The following HSPG2 variants were observed in gnomAD, a reference collection of about 807,000 sequenced individuals.
The protein encoded by HSPG2 is heparan sulfate proteoglycan 2, also known as basement membrane-specific heparan sulfate proteoglycan core protein.
A neutral mutation model predicts 526.6 loss-of-function variants in HSPG2; 278 were observed. The ratio of observed to expected loss-of-function variants is 0.53; its 90% confidence interval spans 0.48 to 0.58. HSPG2 has a LOEUF of 0.58. Ranked by LOEUF, HSPG2 falls within the 20% of genes least tolerant of loss-of-function variation. The pLI is 0.00. For missense variants in HSPG2, 5,354 were observed against 6,099.5 expected, an observed-to-expected ratio of 0.88 and a Z score of 4.07; for synonymous variants, 2,465 against 2,555.4, an observed-to-expected ratio of 0.96 and a Z score of 1.07.
At chr1:21,921,837 C>T (rs1644046850) in intron 1 of HSPG2, among the ~76,000 whole-genome samples, 1 of 152,206 alleles carries the variant, frequency 6.6e-6, no homozygotes, top group Non-Finnish European at 1.5e-5. Context: ...CCTGCTATCC[C>T]TAGGGAAGGT....
intron 1 of HSPG2, among the ~76,000 whole-genome samples, chr1:21,912,823 T>C (rs1310513147): frequency 6.6e-6 from 1 of 151,906 alleles, no homozygotes; most frequent in African/African-American, 2.4e-5. Flanking sequence ...CCACTAAAAA[T>C]ATAAAAATTA....
intron 64 of HSPG2, among the ~76,000 whole-genome samples, chr1:21,845,250 C>T (rs1190214539): frequency 6.6e-6 from 1 of 151,914 alleles, no homozygotes; most frequent in Non-Finnish European, 1.5e-5. Context: ...CGTCTCAAAA[C>T]AAAACAAAAC....
intron 1 of HSPG2, among the ~76,000 whole-genome samples, chr1:21,913,888 C>T (rs532595154): frequency 1.5e-4 from 23 of 152,328 alleles, no homozygotes; most frequent in East Asian, 9.7e-4. Flanking sequence ...ATGGCTCTGC[C>T]GCTTGCCAGC....
Position 21,887,559 on chromosome 1 carries a change from C to T in HSPG2, c.819G>A (p.Gln273=). ...MRQPPVTHAP[Q]PLLPGSVRPL... is the part of the protein sequence containing the mutation. The stretch of plus-strand genomic sequence containing the variant: ...GCCTGACGGAACCGGGAAGCAGGGG[C>T]TGAGGAGCGTGGGTGACTGGTGGCT... The change falls in exon 8 of 97, where the codon CAG becomes CAA. Residue 273 remains glutamine, a synonymous_variant. Coordinates refer to ENST00000374695, the MANE Select transcript of HSPG2 (RefSeq NM_005529.7). The surrounding 1 kb of genome is among the most constrained non-coding windows in gnomAD (Gnocchi z 5.0). 6.2e-7 allele frequency: 1 copy of T among 1,614,114 alleles called. No individual in the cohort carries two copies. Among genetic ancestry groups the T allele is most frequent in the Non-Finnish European group, 8.5e-7 (1 of 1,180,012 alleles).
Position 21,854,611 on chromosome 1 carries a change from C to G in HSPG2, c.6288G>C (p.Gln2096His), listed in dbSNP as rs1251485901. 6.4e-7 allele frequency: 1 copy of G among 1,560,872 alleles called. No homozygotes were observed. The highest frequency in any genetic ancestry group is 8.7e-7 in the Non-Finnish European group (1 of 1,150,568). ...RRGGSLPPHTQVHGSRLRLPQ... is the reference protein window; with the variant it reads ...RRGGSLPPHTHVHGSRLRLPQ... The stretch of plus-strand genomic sequence containing the variant: ...TGCCATAGGCTCAGGGCCCACATAC[C>G]TGGGTGTGGGGAGGCAGGCTACCCC... The change falls in exon 49 of 97, where the codon CAG becomes CAC. Residue 2096 changes from glutamine to histidine, a missense_variant and splice_region_variant. By Grantham distance (24) the Gln-to-His change is conservative. Transcript: ENST00000374695.
intron 1 of HSPG2, among the ~76,000 whole-genome samples, chr1:21,915,999 C>T (rs1414143760): frequency 2.0e-5 from 3 of 147,702 alleles, no homozygotes; most frequent in Non-Finnish European, 4.5e-5. Context: ...TGCAGTAAGC[C>T]GAGATCACAC....
At chr1:21,850,302 G>C (rs1450148044) in intron 56 of HSPG2, 61 bp downstream of exon 56, 22 of 1,606,558 alleles carry the variant, frequency 1.4e-5, no homozygotes, top group Middle Eastern at 3.3e-4. Flanking sequence ...TCCTGCCGTT[G>C]CAAGAGTGGG....
chr1:21,863,066 A>C (rs5016013), intron 37 of HSPG2, among the ~76,000 whole-genome samples: 1,029 of 47,842 alleles, frequency 0.022, 8 homozygotes, highest in South Asian at 0.028. Flanking sequence ...ATCTCAAAAA[A>C]AAAAAAAAAA....
chr1:21,834,912 G>A lies in HSPG2; in HGVS notation c.10487C>T (p.Ser3496Phe). ...GTGGCCAACCACCACGGTCTGCACA[G>A]AGGTCCGGATGTTGATGAGCACCGA... ...LPSVLINIRT[S>F]VQTVVVGHAV... The change falls in exon 77 of 97, where the codon TCT (serine) becomes TTT (phenylalanine). Residue 3496 changes from serine (S) to phenylalanine (F), a missense_variant. Coordinates refer to ENST00000374695, the MANE Select transcript of HSPG2 (RefSeq NM_005529.7). 1 of 1,613,620 alleles carries A rather than the reference G, an allele frequency of 6.2e-7. No individual in the cohort carries two copies.
chr1:21,874,874 TG>T lies in HSPG2; in HGVS notation c.3414+16del. The T allele has an allele frequency of 6.3e-7, 1 of 1,597,084 alleles. No homozygotes were observed. The highest frequency in any genetic ancestry group is 8.6e-7 in the Non-Finnish European group (1 of 1,167,896). ...ATGGAGGGGGCTGGCTGGGCTGGCG[TG>T]GGGCCCAGGACTCACCTGGCAGGAC... On this transcript the variant is annotated intron_variant, in intron 26 of 96. Transcript: ENST00000374695.
Position 21,841,524 on chromosome 1 carries a change from T to A in HSPG2, c.9328+15A>T. 10 of 1,614,130 alleles carry A rather than the reference T, an allele frequency of 6.2e-6. No homozygotes were observed. The highest frequency in any genetic ancestry group is 8.5e-6 in the Non-Finnish European group (10 of 1,179,990). On this transcript the variant is annotated intron_variant, in intron 70 of 96. Coordinates refer to ENST00000374695, the MANE Select transcript of HSPG2 (RefSeq NM_005529.7). ...GGAAACAGGGCAGAGCCCCACAGGGTCAACGTCCCCTCACCGTGCACACTG... is the reference window on the plus strand; with the variant it reads ...GGAAACAGGGCAGAGCCCCACAGGGACAACGTCCCCTCACCGTGCACACTG...
intron 1 of HSPG2, among the ~76,000 whole-genome samples, chr1:21,920,597 G>A (rs12759561): frequency 0.011 from 1,721 of 152,312 alleles, 20 homozygotes; most frequent in South Asian, 0.026. Flanking sequence ...GTTATATGGA[G>A]TGAACTGACC....
chr1:21,888,022 G>A lies in HSPG2; in HGVS notation c.619C>T (p.His207Tyr). ...RACTEAEFAC[H>Y]SYNECVALEY... is the part of the protein sequence containing the mutation. ...AGGGCCACACACTCATTGTAGCTGT[G>A]GCAGGCAAACTCGGCCTCCGTGCAG... The change falls in exon 7 of 97, where the codon CAC becomes TAC. Residue 207 changes from histidine to tyrosine, a missense_variant. Physicochemically the swap from His to Tyr is moderately conservative, Grantham distance 83 (BLOSUM62 2). Coordinates refer to ENST00000374695, the MANE Select transcript of HSPG2 (RefSeq NM_005529.7). 6.2e-7 allele frequency: 1 copy of A among 1,614,180 alleles called. No homozygotes were observed. Among genetic ancestry groups the A allele is most frequent in the Non-Finnish European group, 8.5e-7 (1 of 1,180,050 alleles).
intron 6 of HSPG2, chr1:21,889,688 A>C: frequency 2.3e-6 from 1 of 435,960 alleles, no homozygotes; most frequent in South Asian, 2.9e-5. Context: ...ATTAAGTACT[A>C]ATGTGTTTTG....
Position 21,890,662 on chromosome 1 carries a change from A to T in HSPG2, c.277T>A (p.Ser93Thr). ...TCCAGCTGAGGGCTGTACTCGATGG[A>T]GCGAGTGAAATTCACCAGGGCTCGG... Reference protein sequence around the residue: ...YFRALVNFTRSIEYSPQLEDA... With the variant: ...YFRALVNFTRTIEYSPQLEDA... The change falls in exon 4 of 97, where the codon TCC becomes ACC. Residue 93 changes from serine (S) to threonine (T), a missense_variant. By Grantham distance (58) the Ser-to-Thr change is moderately conservative. Transcript: ENST00000374695. This position sits in a 1 kb window ranked among gnomAD's most constrained non-coding sequence, Gnocchi z 4.1. 2 of 1,614,044 alleles carry T rather than the reference A, an allele frequency of 1.2e-6. No individual in the cohort carries two copies.
Position 21,873,961 on chromosome 1 carries a change from GCAT to G in HSPG2, c.3704_3706del (p.Asp1235del). ...ACGCCCACTGTGGCCTGGGGAGCAC[GCAT>G]CACAGGTGGGGTGGCCGTCTGTGTC... On this transcript the variant is annotated inframe_deletion, in exon 29 of 97. Transcript: ENST00000374695. The G allele has an allele frequency of 6.2e-7, 1 of 1,605,562 alleles. No homozygotes were observed.
intron 33 of HSPG2, among the ~76,000 whole-genome samples, chr1:21,867,072 A>AC (rs1553166931): frequency 0.032 from 975 of 30,058 alleles, 5 homozygotes; most frequent in Admixed American, 0.05. Flanking sequence ...TTTTTTTTTC[A>AC]CCTTTTTTTT....
chr1:21,890,013 G>T lies in HSPG2; in HGVS notation c.542C>A (p.Pro181His). Residue 181 changes from proline to histidine, a missense_variant, in exon 6 of 97, where the codon CCC becomes CAC. By Grantham distance (77) the Pro-to-His change is moderately conservative (BLOSUM62 -2). Coordinates refer to ENST00000374695, the MANE Select transcript of HSPG2 (RefSeq NM_005529.7). The surrounding 1 kb of genome is among the most constrained non-coding windows in gnomAD (Gnocchi z 4.1). ...CAGGCGTCGGAACTGGAATCCCTGG[G>T]GAGAGGTGACGTAGGAGGCCACAGA... ...SGSVASYVTS[P>H]QGFQFRRLGT... The T allele has an allele frequency of 6.2e-7, 1 of 1,614,056 alleles. No individual in the cohort carries two copies. Among genetic ancestry groups the T allele is most frequent in the South Asian group, 1.1e-5 (1 of 91,084 alleles).
In HSPG2 at chr1:21,842,907, G is replaced by A; in HGVS notation, c.8773C>T (p.Gln2925Ter). 6.2e-7 allele frequency: 1 copy of A among 1,614,132 alleles called. No homozygotes were observed. Among genetic ancestry groups the A allele is most frequent in the Non-Finnish European group, 8.5e-7 (1 of 1,180,022 alleles). Residue 2925 changes from glutamine to a stop codon, truncating the protein, a stop_gained, in exon 67 of 97, where the codon CAG becomes TAG. Coordinates refer to ENST00000374695, the MANE Select transcript of HSPG2 (RefSeq NM_005529.7). LOFTEE classifies it high-confidence loss of function. Reference protein sequence around the residue: ...PGPIPAPGLAQPIYIEASSSH... With the variant: ...PGPIPAPGLA ...GAGGAGGCCTCGATGTAGATGGGCT[G>A]GGCCAGTCCTGGAGCTGTGGGCACA...
Sources: allele counts gnomAD v4.1 joint callset (sites outside exome capture counted in the v4.1 genomes callset), GRCh38; gene constraint gnomAD v4.1.1; non-coding constraint Gnocchi (gnomAD v3.1); transcripts MANE v1.5; gene names NCBI Gene and HGNC (gene_info 2026-07-23, HGNC 2026-07-21).